SIK3: variants seen among roughly 807,000 people sequenced by gnomAD.
SIK3 encodes SIK family kinase 3.
Under a neutral mutation model 144.2 loss-of-function variants are expected in SIK3, and 28 were observed. The observed-to-expected ratio is 0.19, with a 90% CI of 0.14 to 0.27. SIK3 has a LOEUF of 0.27. Ranked by LOEUF, SIK3 falls within the 10% of genes least tolerant of loss-of-function variation. The pLI is 1.00. For synonymous variants in SIK3, 686 were observed against 676.3 expected, an observed-to-expected ratio of 1.01 and a Z score of -0.22; for missense variants, 1,319 against 1,776.0, an observed-to-expected ratio of 0.74 and a Z score of 4.62.
chr11:117,004,757 T>G (rs1474437910), intron 1 of SIK3, among the ~76,000 whole-genome samples: 1 of 152,190 alleles, frequency 6.6e-6, no homozygotes, highest in Non-Finnish European at 1.5e-5. Flanking sequence ...CCAACTCTTG[T>G]AAGATTCCTA....
intron 4 of SIK3, among the ~76,000 whole-genome samples, chr11:116,915,793 T>C (rs563544716): frequency 6.6e-6 from 1 of 152,232 alleles, no homozygotes; most frequent in Non-Finnish European, 1.5e-5. Flanking sequence ...CCTCATCAAT[T>C]TGAATTTCAA....
chr11:116,897,026 CA>C (rs5795057), intron 5 of SIK3, among the ~76,000 whole-genome samples, 166 bp downstream of exon 5: 88,014 of 102,994 alleles, frequency 0.85, 37,154 homozygotes, highest in South Asian at 0.92. Context: ...GACTCTGTTT[CA>C]AAAAAAAAAA....
rs2134243751 is a variant in SIK3, at chr11:116,844,107, GT to G, written c.*1535del. 1 of 152,268 alleles carries G rather than the reference GT, an allele frequency of 6.6e-6. No individual in the cohort carries two copies. The highest frequency in any genetic ancestry group is 2.4e-5 in the African/African-American group (1 of 41,550). The allele number at this position is 152,268 out of a possible 1,614,324, so 9.4% of individuals were successfully genotyped here. A position where few individuals can be genotyped will look rare whatever the true frequency, so the allele number is the denominator to read the frequency against. ...TCAGTGTATTCAAGGTCTCTCTCTT[GT>G]TTTGAAGATCAGAAGGAGATAACCC... On this transcript the variant is annotated 3_prime_UTR_variant, in exon 25 of 25. Transcript: ENST00000445177.
chr11:116,869,375 A>C (rs1424055668), intron 14 of SIK3: 1 of 152,232 alleles, frequency 6.6e-6, no homozygotes, highest in Non-Finnish European at 1.5e-5. Context: ...TTCTTAAAAA[A>C]TGGTCTCATT....
intron 4 of SIK3, among the ~76,000 whole-genome samples, chr11:116,926,117 G>A (rs575667639): frequency 6.6e-6 from 1 of 152,270 alleles, no homozygotes; most frequent in Non-Finnish European, 1.5e-5. Context: ...TACTAAGGAA[G>A]AAAATCCTTA....
At chr11:116,892,063 C>T (rs1348725850) in intron 6 of SIK3, among the ~76,000 whole-genome samples, 2 of 152,170 alleles carry the variant, frequency 1.3e-5, no homozygotes, top group Admixed American at 6.5e-5. Flanking sequence ...ATTGATCTGA[C>T]TTCAATACAT....
chr11:116,916,121 C>A (rs1410521020), intron 4 of SIK3, among the ~76,000 whole-genome samples: 1 of 152,190 alleles, frequency 6.6e-6, no homozygotes, highest in African/African-American at 2.4e-5. Flanking sequence ...CACTGAAAAT[C>A]TCTGAGGATT....
intron 6 of SIK3, among the ~76,000 whole-genome samples, chr11:116,884,705 G>A (rs1019859412): frequency 2.0e-5 from 3 of 150,892 alleles, no homozygotes; most frequent in Admixed American, 1.3e-4. Context: ...TTGATCTCCC[G>A]GCCTCAAACA....
intron 4 of SIK3, among the ~76,000 whole-genome samples, chr11:116,919,368 T>C (rs2135050155): frequency 6.6e-6 from 1 of 152,348 alleles, no homozygotes; most frequent in South Asian, 2.1e-4. Context: ...CTTAAATCCA[T>C]GCTCTGAAAA....
chr11:116,933,661 G>A (rs1947748425), intron 3 of SIK3, among the ~76,000 whole-genome samples: 1 of 151,956 alleles, frequency 6.6e-6, no homozygotes, highest in Non-Finnish European at 1.5e-5. Flanking sequence ...TCTCTCAAGA[G>A]ACAAGGTCTT....
At chr11:116,855,413 C>G (rs1357979263) in intron 21 of SIK3, 1 of 152,272 alleles carries the variant, frequency 6.6e-6, no homozygotes, top group Non-Finnish European at 1.5e-5. Context: ...ACAGCACTTG[C>G]ACCAACAGTG....
intron 21 of SIK3, chr11:116,855,358 G>A (rs1485994924): frequency 2.6e-5 from 4 of 152,260 alleles, no homozygotes; most frequent in Admixed American, 2.0e-4. Context: ...GGAAACCTAC[G>A]TTGTTCCTTG....
At position 116,950,014 on chromosome 11, in the gene SIK3, G is replaced by C. The variant is rs73592278; in HGVS notation, c.454+4030C>G. ...ACTGAGAGTTTGGTGGATGGAGAGCGGGGGAGGACAGCAGCCTGGGGTCCT... is the reference window on the plus strand; with the variant it reads ...ACTGAGAGTTTGGTGGATGGAGAGCCGGGGAGGACAGCAGCCTGGGGTCCT... On this transcript the variant is annotated intron_variant, in intron 3 of 24. Coordinates refer to ENST00000445177, the MANE Select transcript of SIK3 (RefSeq NM_001366686.3). 1.0e-3 allele frequency: 457 copies of C among 438,420 alleles called. 2 individuals are homozygous for C. Among genetic ancestry groups the C allele is most frequent in the African/African-American group, 8.6e-3 (419 of 48,858 alleles). 27.2% of individuals were successfully genotyped at this position (438,420 alleles called of 1,614,324 possible).
Position 116,849,474 on chromosome 11 carries a change from G to A in SIK3, c.3656-191C>T, listed in dbSNP as rs931788023. Among the ~76,000 whole-genome samples the A allele has an allele frequency of 1.3e-5, 2 of 152,180 alleles. No individual in the cohort carries two copies. The highest frequency in any genetic ancestry group is 6.5e-5 in the Admixed American group (1 of 15,280). ...GCCCTCCAAAAGACGAGCTGTAGGG[G>A]AGGGGACCACACCCTTAGGGAAAAA... On this transcript the variant is annotated intron_variant, in intron 21 of 24. Coordinates refer to ENST00000445177, the MANE Select transcript of SIK3 (RefSeq NM_001366686.3). This position sits in a 1 kb window ranked among gnomAD's most constrained non-coding sequence, Gnocchi z 4.2.
At chr11:117,046,707 C>T (rs140371693) in intron 1 of SIK3, among the ~76,000 whole-genome samples, 33 of 152,114 alleles carry the variant, frequency 2.2e-4, no homozygotes, top group African/African-American at 7.5e-4. Context: ...GGCAAAACCC[C>T]GTCTCTACAA....
chr11:117,015,732 GCTAAT>G (rs1951495280), intron 1 of SIK3, among the ~76,000 whole-genome samples: 2 of 152,102 alleles, frequency 1.3e-5, no homozygotes, highest in Non-Finnish European at 2.9e-5. Context: ...ACCATGCCCA[GCTAAT>G]TTTGTACTTT....
chr11:116,999,316 ATG>A (rs1383392607), intron 1 of SIK3, among the ~76,000 whole-genome samples: 1 of 152,218 alleles, frequency 6.6e-6, no homozygotes, highest in Non-Finnish European at 1.5e-5. Flanking sequence ...TAAGACATAT[ATG>A]TGTTTGCACT....
At chr11:116,977,234 C>G (rs1366172603) in intron 1 of SIK3, among the ~76,000 whole-genome samples, 1 of 141,592 alleles carries the variant, frequency 7.1e-6, no homozygotes, top group African/African-American at 2.6e-5. Context: ...CTCCCTCCCT[C>G]CCTCCCTCCC....
At chr11:116,847,724 T>A in intron 22 of SIK3, 116 bp from the exon 23 acceptor site, 1 of 1,227,800 alleles carries the variant, frequency 8.1e-7, no homozygotes, top group Admixed American at 1.9e-5. Flanking sequence ...GGGGCCCCAC[T>A]CCAGACTCCT....
Sources: allele counts gnomAD v4.1 joint callset (sites outside exome capture counted in the v4.1 genomes callset), GRCh38; gene constraint gnomAD v4.1.1; non-coding constraint Gnocchi (gnomAD v3.1); transcripts MANE v1.5; gene names NCBI Gene and HGNC (gene_info 2026-07-23, HGNC 2026-07-21).